ZNF519: variants seen among roughly 807,000 people sequenced by gnomAD.
ZNF519 encodes the protein similar to Zinc finger protein 85 (Zinc finger protein HPF4) (HTF1).
In ZNF519, 7 loss-of-function variants were observed where a neutral mutation model predicts 7.4. The ratio of observed to expected loss-of-function variants is 0.94; its 90% CI spans 0.54 to 1.77. The LOEUF is 1.77. Among genes scored for constraint, ZNF519 ranks in the 40% most tolerant of loss-of-function variants. The pLI, the probability that ZNF519 is intolerant of heterozygous loss-of-function variation, is 0.00. For missense variants in ZNF519, 586 were observed against 623.1 expected (o/e 0.94, Z 0.63); for synonymous variants, 179 against 203.3 (o/e 0.88, Z 1.02).
At chr18:14,126,492 A>G (rs1236547792) in intron 1 of ZNF519, among the ~76,000 whole-genome samples, 1 of 152,186 alleles carries the variant, frequency 6.6e-6, no homozygotes. Context: ...AAGGGATGTG[A>G]CCCAAATGAA....
chr18:14,127,141 G>C (rs1429838058), intron 1 of ZNF519, among the ~76,000 whole-genome samples: 2 of 152,098 alleles, frequency 1.3e-5, no homozygotes, highest in Non-Finnish European at 2.9e-5. Flanking sequence ...TGGTTATTTT[G>C]TAGCTCTGAC....
At chr18:14,129,722 G>A (rs1037550005) in intron 1 of ZNF519, among the ~76,000 whole-genome samples, 3 of 152,102 alleles carry the variant, frequency 2.0e-5, no homozygotes, top group Non-Finnish European at 4.4e-5. Flanking sequence ...ACAAGTTCAG[G>A]CTAAGTCCCA....
chr18:14,095,790 C>T (rs1324085210), downstream of ZNF519, among the ~76,000 whole-genome samples: 2 of 152,246 alleles, frequency 1.3e-5, no homozygotes, highest in Middle Eastern at 3.2e-3. Flanking sequence ...TGGATAGAGT[C>T]ACTCTGCACT....
intron 2 of ZNF519, among the ~76,000 whole-genome samples, chr18:14,110,841 C>T (rs919871198): frequency 2.6e-5 from 4 of 152,046 alleles, no homozygotes; most frequent in Non-Finnish European, 4.4e-5. Context: ...AGCTAATCTA[C>T]GAGGATGCAA....
At chr18:14,086,842 C>A (rs1027765397) in intron 2 of ZNF519, among the ~76,000 whole-genome samples, 1 of 152,082 alleles carries the variant, frequency 6.6e-6, no homozygotes, top group African/African-American at 2.4e-5. Context: ...ATAAAAAATA[C>A]CAGCAGAATC....
At chr18:14,073,611 C>CAACAAAGTGCACATTTCAAAA (rs1307158827), downstream of ZNF519, 1 of 152,164 alleles carries the variant, frequency 6.6e-6, no homozygotes, top group Non-Finnish European at 1.5e-5. Flanking sequence ...ACAAACATTT[C>CAACAAAGTGCACATTTCAAAA]CTGAGTATTT....
chr18:14,085,728 G>A (rs2046087949), intron 2 of ZNF519, among the ~76,000 whole-genome samples: 1 of 152,122 alleles, frequency 6.6e-6, no homozygotes, highest in Non-Finnish European at 1.5e-5. Flanking sequence ...ACTTTGACTT[G>A]GATCCCAGTG....
chr18:14,129,690 G>A (rs987513849), intron 1 of ZNF519, among the ~76,000 whole-genome samples: 3 of 151,928 alleles, frequency 2.0e-5, no homozygotes, highest in African/African-American at 7.3e-5. Flanking sequence ...TTCCAACACC[G>A]CCCAGAGTCA....
At chr18:14,073,563 A>C (rs1266611126), downstream of ZNF519, 1 of 152,166 alleles carries the variant, frequency 6.6e-6, no homozygotes, top group Non-Finnish European at 1.5e-5. Context: ...GAGCCACTGC[A>C]CCTGGCCTGG....
intron 2 of ZNF519, among the ~76,000 whole-genome samples, chr18:14,110,176 A>T (rs751411811): frequency 1.3e-5 from 2 of 152,146 alleles, no homozygotes; most frequent in Non-Finnish European, 2.9e-5. Context: ...CCCATCTCTG[A>T]CCGTATACAA....
At chr18:14,073,974 T>C (rs550647459), downstream of ZNF519, 5 of 152,248 alleles carry the variant, frequency 3.3e-5, no homozygotes, top group East Asian at 5.8e-4. Context: ...TCTCCCCAAA[T>C]AGGGACAAGC....
At chr18:14,096,702 G>T (rs886630310), downstream of ZNF519, among the ~76,000 whole-genome samples, 2 of 152,100 alleles carry the variant, frequency 1.3e-5, no homozygotes, top group African/African-American at 4.8e-5. Flanking sequence ...CAACCTTTAA[G>T]AGCTTTCAAT....
intron 2 of ZNF519, among the ~76,000 whole-genome samples, chr18:14,120,076 AC>A (rs2046263392): frequency 6.6e-6 from 1 of 152,216 alleles, no homozygotes; most frequent in African/African-American, 2.4e-5. Context: ...GTAACCTAAA[AC>A]AACTTGAAAT....
intron 3 of ZNF519, among the ~76,000 whole-genome samples, chr18:14,081,175 A>G (rs7242014): frequency 0.022 from 3,360 of 152,310 alleles, 124 homozygotes; most frequent in African/African-American, 0.074. Context: ...GTGATAATGT[A>G]TCAATATAGA....
At position 14,120,135 on chromosome 18, in the gene ZNF519, C is replaced by G. The variant is rs147994846; in HGVS notation, c.130+4215G>C. Among the ~76,000 whole-genome samples the G allele has an allele frequency of 1.6e-3, 246 of 152,174 alleles. 1 individual carries two copies. The highest frequency in any genetic ancestry group is 2.6e-3 in the Non-Finnish European group (178 of 68,006). On this transcript the variant is annotated intron_variant, in intron 2 of 2. Transcript: ENST00000590202. ...AACAAAGCTGGGGGCATCATACTTT[C>G]TAATTTCAAACTTTATTTAAAGGTT...
chr18:14,131,630 A>AT (rs1361097885), intron 1 of ZNF519, among the ~76,000 whole-genome samples: 5 of 152,088 alleles, frequency 3.3e-5, no homozygotes, highest in African/African-American at 7.2e-5. Flanking sequence ...ACTCAAATGC[A>AT]TTTTTTTCTA....
chr18:14,131,314 GA>G (rs1213387607), intron 1 of ZNF519, among the ~76,000 whole-genome samples: 45 of 152,288 alleles, frequency 3.0e-4, no homozygotes, highest in Admixed American at 2.5e-3. Context: ...ACTGCTCTGT[GA>G]AAAAGTGATT....
intron 2 of ZNF519, among the ~76,000 whole-genome samples, chr18:14,118,323 G>C (rs745783447): frequency 1.1e-4 from 17 of 152,162 alleles, no homozygotes; most frequent in Non-Finnish European, 8.8e-5. Context: ...CTACCAAAGT[G>C]CTGGGATTAC....
At chr18:14,071,448 A>C (rs1191394310), downstream of ZNF519, 1 of 152,180 alleles carries the variant, frequency 6.6e-6, no homozygotes, top group Non-Finnish European at 1.5e-5. Flanking sequence ...ATAGTGAACT[A>C]ATAAAAATAT....
Sources: gnomAD v4.1 joint callset for allele counts (sites outside exome capture counted in the v4.1 genomes callset) on GRCh38, gnomAD v4.1.1 for gene constraint, MANE v1.5 for transcripts, NCBI Gene and HGNC (gene_info 2026-07-23, HGNC 2026-07-21) for gene names.